The following SKAP1 variants were observed in gnomAD, a reference collection of about 807,000 sequenced individuals.
SKAP1 encodes src kinase associated phosphoprotein 1, also known as src kinase-associated phosphoprotein 1.
In SKAP1, 44 loss-of-function variants were observed where a neutral mutation model predicts 58.5. The observed-to-expected ratio is 0.75, with a 90% CI of 0.59 to 0.97. SKAP1 has a LOEUF of 0.97. Among genes scored for constraint, SKAP1 ranks in the 50% least tolerant of loss-of-function variants. SKAP1 has a pLI of 0.00. For missense variants in SKAP1, 390 were observed against 435.2 expected, an observed-to-expected ratio of 0.90 and a Z score of 0.92; for synonymous variants, 127 against 149.7, an observed-to-expected ratio of 0.85 and a Z score of 1.11.
At chr17:48,225,399 A>AT (rs1156662034) in intron 4 of SKAP1, among the ~76,000 whole-genome samples, 1 of 151,972 alleles carries the variant, frequency 6.6e-6, no homozygotes, top group Non-Finnish European at 1.5e-5. Flanking sequence ...TTCTGTGCTC[A>AT]TTTTTTCCCT....
intron 11 of SKAP1, among the ~76,000 whole-genome samples, chr17:48,158,937 G>C (rs909628543): frequency 1.3e-5 from 2 of 150,658 alleles, no homozygotes; most frequent in African/African-American, 4.9e-5. Context: ...CTCCAGCCTG[G>C]CAACAGAGCG....
chr17:48,137,310 C>A lies in SKAP1; in HGVS notation c.1006G>T (p.Gly336Ter). 4 of 1,613,640 alleles carry A rather than the reference C, an allele frequency of 2.5e-6. No homozygotes were observed. The highest frequency in any genetic ancestry group is 3.4e-6 in the Non-Finnish European group (4 of 1,179,636). Residue 336 changes from glycine to a stop codon, truncating the protein, a stop_gained, in exon 12 of 13, where the codon GGA (glycine) becomes TGA (stop). Transcript: ENST00000336915. LOFTEE classifies it high-confidence loss of function. The stretch of plus-strand genomic sequence containing the variant: ...ATCCCAACGAGGCTGTTCAGTTCTC[C>A]CACCCACCAGCCATACATGTTATAC... Reference protein sequence around the residue: ...KEYNMYGWWVGELNSLVGIVP... With the variant: ...KEYNMYGWWV
chr17:48,405,078 A>G (rs1212045015), intron 1 of SKAP1, among the ~76,000 whole-genome samples: 1 of 152,208 alleles, frequency 6.6e-6, no homozygotes, highest in Non-Finnish European at 1.5e-5. Flanking sequence ...CTGTGAGAGA[A>G]GCAGAAATTA....
intron 9 of SKAP1, among the ~76,000 whole-genome samples, chr17:48,177,136 GC>G (rs2064301661): frequency 6.6e-6 from 1 of 152,168 alleles, no homozygotes; most frequent in Non-Finnish European, 1.5e-5. Context: ...ATGGGCCTGA[GC>G]AGAAGGTGCA....
chr17:48,266,513 CT>C (rs67981214), intron 4 of SKAP1, among the ~76,000 whole-genome samples: 211 of 138,484 alleles, frequency 1.5e-3, no homozygotes, highest in South Asian at 2.8e-3. Context: ...TTCTTACTTT[CT>C]TTTTTTTTTT....
the SKAP1 span, among the ~76,000 whole-genome samples, chr17:48,439,788 G>C: frequency 6.6e-6 from 1 of 152,160 alleles, no homozygotes; most frequent in South Asian, 2.1e-4. Context: ...AGTTGGAGGA[G>C]GAATCAGAGA....
At chr17:48,204,812 T>A (rs1207261132) in intron 4 of SKAP1, among the ~76,000 whole-genome samples, 1 of 152,140 alleles carries the variant, frequency 6.6e-6, no homozygotes, top group Non-Finnish European at 1.5e-5. Context: ...ATAGCTCTGA[T>A]GCAGAATCTG....
At chr17:48,379,935 G>A (rs942400500) in intron 2 of SKAP1, among the ~76,000 whole-genome samples, 3 of 152,048 alleles carry the variant, frequency 2.0e-5, no homozygotes, top group African/African-American at 7.2e-5. Context: ...GCCCGCCTTG[G>A]CCTCCCAAAG....
At chr17:48,161,826 A>G (rs533508102) in intron 11 of SKAP1, among the ~76,000 whole-genome samples, 1 of 152,358 alleles carries the variant, frequency 6.6e-6, no homozygotes, top group East Asian at 1.9e-4. Context: ...GAATGTTTTC[A>G]ATAGTATTAC....
intron 12 of SKAP1, chr17:48,136,973 G>C: frequency 3.0e-6 from 1 of 328,902 alleles, no homozygotes; most frequent in Admixed American, 4.4e-5. Context: ...CTGGCTTTCT[G>C]TGTTAATTAA....
At chr17:48,276,891 T>G (rs2065707917) in intron 4 of SKAP1, among the ~76,000 whole-genome samples, 1 of 152,204 alleles carries the variant, frequency 6.6e-6, no homozygotes, top group Non-Finnish European at 1.5e-5. Flanking sequence ...GGCTTAAAAC[T>G]AAGAACACTA....
chr17:48,269,938 C>A (rs1477440300), intron 4 of SKAP1, among the ~76,000 whole-genome samples: 19 of 151,982 alleles, frequency 1.3e-4, no homozygotes, highest in Admixed American at 1.2e-3. Context: ...CATGGAGAAA[C>A]CCTGTCTCTA....
At chr17:48,152,549 G>A (rs1006588696) in intron 11 of SKAP1, among the ~76,000 whole-genome samples, 16 of 152,062 alleles carry the variant, frequency 1.1e-4, no homozygotes, top group African/African-American at 2.9e-4. Context: ...TAATACTGGC[G>A]GTGGGAAATG....
intron 1 of SKAP1, among the ~76,000 whole-genome samples, chr17:48,405,637 A>T (rs2067572294): frequency 6.6e-6 from 1 of 150,886 alleles, no homozygotes; most frequent in Non-Finnish European, 1.5e-5. Flanking sequence ...AGTAGCTGGG[A>T]TTACAGGTGC....
At chr17:48,222,269 T>C (rs947260292) in intron 4 of SKAP1, among the ~76,000 whole-genome samples, 1 of 152,162 alleles carries the variant, frequency 6.6e-6, no homozygotes, top group African/African-American at 2.4e-5. Flanking sequence ...AAATCAATAA[T>C]AGTTTTAGCT....
At chr17:48,390,939 G>T (rs1424148474) in intron 2 of SKAP1, among the ~76,000 whole-genome samples, 1 of 152,112 alleles carries the variant, frequency 6.6e-6, no homozygotes, top group African/African-American at 2.4e-5. Context: ...GCCAGGTATG[G>T]TGGTGCACGC....
At position 48,221,903 on chromosome 17, in the gene SKAP1, T is replaced by A. The variant is rs563876319; in HGVS notation, c.281-32403A>T. 1.3e-4 allele frequency among the ~76,000 whole-genome samples: 20 copies of A among 152,320 alleles called. 1 individual carries two copies. Among genetic ancestry groups the A allele is most frequent in the African/African-American group, 4.6e-4 (19 of 41,558 alleles). On this transcript the variant is annotated intron_variant, in intron 4 of 12. Transcript: ENST00000336915. ...AAATATCCCTAACTCAGTTTCTCTGTCTAGACGTCTCTGTTGCCCACTCCT... is the reference window on the plus strand; with the variant it reads ...AAATATCCCTAACTCAGTTTCTCTGACTAGACGTCTCTGTTGCCCACTCCT...
At chr17:48,421,781 GA>G in intron 1 of SKAP1, among the ~76,000 whole-genome samples, 1 of 152,146 alleles carries the variant, frequency 6.6e-6, no homozygotes, top group Non-Finnish European at 1.5e-5. Flanking sequence ...GAATCTATAA[GA>G]ATATAGAAAA....
chr17:48,360,094 TG>T (rs1230635239), intron 3 of SKAP1, among the ~76,000 whole-genome samples: 1 of 152,178 alleles, frequency 6.6e-6, no homozygotes, highest in Admixed American at 6.5e-5. Flanking sequence ...GAGATTCCAC[TG>T]GCCCATGTTT....
Sources: gnomAD v4.1 joint callset for allele counts (sites outside exome capture counted in the v4.1 genomes callset) on GRCh38, gnomAD v4.1.1 for gene constraint, MANE v1.5 for transcripts, NCBI Gene and HGNC (gene_info 2026-07-23, HGNC 2026-07-21) for gene names.